Variants in SLCO1B1 observed in about 807,000 individuals in gnomAD.
The protein encoded by SLCO1B1 is solute carrier organic anion transporter family member 1B1.
SLCO1B1 carries 81 observed loss-of-function variants against 70.1 expected under a neutral mutation model. The ratio of observed to expected loss-of-function variants is 1.16; its 90% CI spans 0.97 to 1.39. SLCO1B1 has a LOEUF of 1.39. Among genes scored for constraint, SLCO1B1 ranks in the 40% most tolerant of loss-of-function variants. SLCO1B1 has a pLI of 0.00. For missense variants in SLCO1B1, 895 were observed against 799.6 expected (o/e 1.12, Z -1.44); for synonymous variants, 283 against 271.5 (o/e 1.04, Z -0.42).
chr12:21,229,148 A>G (rs1351691998), intron 14 of SLCO1B1, among the ~76,000 whole-genome samples: 1 of 152,094 alleles, frequency 6.6e-6, no homozygotes, highest in Non-Finnish European at 1.5e-5. Flanking sequence ...CCCACATACC[A>G]CCTGCCCCAC....
chr12:21,132,443 G>C (rs1940151594), intron 1 of SLCO1B1, among the ~76,000 whole-genome samples: 1 of 152,124 alleles, frequency 6.6e-6, no homozygotes, highest in Non-Finnish European at 1.5e-5. Flanking sequence ...CTAGTTTACA[G>C]TCCCACCAAC....
intron 10 of SLCO1B1, among the ~76,000 whole-genome samples, chr12:21,204,131 G>A (rs1343146712): frequency 6.6e-6 from 1 of 151,860 alleles, no homozygotes; most frequent in African/African-American, 2.4e-5. Context: ...TCCTGCGACT[G>A]GGATAAGTTT....
At chr12:21,218,155 C>T (rs561521943) in intron 12 of SLCO1B1, among the ~76,000 whole-genome samples, 3 of 151,886 alleles carry the variant, frequency 2.0e-5, no homozygotes, top group Admixed American at 2.0e-4. Context: ...TTGGTGCTGA[C>T]GCCTTAATAC....
intron 2 of SLCO1B1, among the ~76,000 whole-genome samples, chr12:21,160,971 C>T (rs1028182088): frequency 3.5e-4 from 53 of 152,000 alleles, no homozygotes; most frequent in South Asian, 4.2e-4. Context: ...CATTATCTCA[C>T]GCTAGTCAGA....
In SLCO1B1 at chr12:21,222,425, TATACAC is replaced by T. The variant is rs1241009947; in HGVS notation, c.1747+63_1747+68del. On this transcript the variant is annotated intron_variant, in intron 13 of 14. Transcript: ENST00000256958. ...ATATATATATATATATATATATATA[TATACAC>T]ACACACATACATATATTAAATTTAA... 6.2e-3 allele frequency: 773 copies of T among 123,980 alleles called. 5 individuals are homozygous for T. Among genetic ancestry groups the T allele is most frequent in the African/African-American group, 8.9e-3 (187 of 20,908 alleles). The allele number at this position is 123,980 out of a possible 1,614,324, so 7.7% of individuals were successfully genotyped here.
chr12:21,156,200 C>T (rs1343065519), intron 2 of SLCO1B1, among the ~76,000 whole-genome samples: 1 of 152,008 alleles, frequency 6.6e-6, no homozygotes, highest in Admixed American at 6.5e-5. Context: ...AAGCTACCCC[C>T]TCCCTTTGTA....
chr12:21,164,153 T>C (rs867198384), intron 2 of SLCO1B1, among the ~76,000 whole-genome samples: 34 of 152,108 alleles, frequency 2.2e-4, no homozygotes, highest in African/African-American at 4.1e-4. Context: ...TGTACAATCA[T>C]TCCTTAGTAA....
At position 21,239,031 on chromosome 12, in the gene SLCO1B1, T is replaced by C. The variant is rs1427912397; in HGVS notation, c.1918T>C (p.Tyr640His). ...SMLRVSSLVL[Y>H]IILIYAMKKK... ...GTTAAGAGTCTCATCACTTGTTTTA[T>C]ATATTATATTAATTTATGCCATGAA... Residue 640 changes from tyrosine (Y) to histidine (H), a missense_variant, in exon 15 of 15, where the codon TAT becomes CAT. Coordinates refer to ENST00000256958, the MANE Select transcript of SLCO1B1 (RefSeq NM_006446.5). The C allele has an allele frequency of 6.3e-7, 1 of 1,588,992 alleles. No individual in the cohort carries two copies. The highest frequency in any genetic ancestry group is 8.6e-7 in the Non-Finnish European group (1 of 1,159,560).
chr12:21,159,844 G>A (rs140048563), intron 2 of SLCO1B1, among the ~76,000 whole-genome samples: 4,532 of 151,870 alleles, frequency 0.03, 221 homozygotes, highest in African/African-American at 0.1. Context: ...CAAACCGAGA[G>A]CCAAATCAGG....
chr12:21,221,359 A>T (rs1941421893), intron 12 of SLCO1B1, among the ~76,000 whole-genome samples: 1 of 152,156 alleles, frequency 6.6e-6, no homozygotes, highest in South Asian at 2.1e-4. Flanking sequence ...ATTAGAAAAG[A>T]GGAACTCAAA....
At chr12:21,214,664 C>G (rs1388003724) in intron 11 of SLCO1B1, among the ~76,000 whole-genome samples, 2 of 151,568 alleles carry the variant, frequency 1.3e-5, no homozygotes, top group African/African-American at 2.4e-5. Flanking sequence ...CCCCCAGCCT[C>G]GCTGCCGCCT....
chr12:21,165,952 A>G (rs1237664030), intron 2 of SLCO1B1, among the ~76,000 whole-genome samples: 3 of 152,140 alleles, frequency 2.0e-5, no homozygotes, highest in Non-Finnish European at 4.4e-5. Context: ...GTTAGAACAC[A>G]GAATCCGCAA....
intron 2 of SLCO1B1, among the ~76,000 whole-genome samples, chr12:21,146,066 A>T (rs993477064): frequency 6.6e-6 from 1 of 152,132 alleles, no homozygotes; most frequent in Non-Finnish European, 1.5e-5. Flanking sequence ...CAACAGTGAA[A>T]CCATGTAGGC....
chr12:21,223,227 C>T (rs1299850694), intron 13 of SLCO1B1, among the ~76,000 whole-genome samples: 1 of 152,040 alleles, frequency 6.6e-6, no homozygotes, highest in African/African-American at 2.4e-5. Context: ...TCTGAGTATC[C>T]TATTTCGATG....
intron 14 of SLCO1B1, among the ~76,000 whole-genome samples, chr12:21,229,001 T>A (rs571381366): frequency 3.8e-4 from 54 of 141,836 alleles, no homozygotes; most frequent in African/African-American, 1.2e-3. Context: ...AAGTGGAATT[T>A]AAAAAAAAAA....
intron 2 of SLCO1B1, among the ~76,000 whole-genome samples, chr12:21,144,865 C>T (rs1165761075): frequency 6.6e-6 from 1 of 152,102 alleles, no homozygotes; most frequent in Non-Finnish European, 1.5e-5. Context: ...CAAATGCTAA[C>T]AGAATTTGTT....
intron 7 of SLCO1B1, among the ~76,000 whole-genome samples, chr12:21,186,335 G>T (rs890535136): frequency 2.6e-5 from 4 of 151,988 alleles, no homozygotes; most frequent in African/African-American, 9.7e-5. Flanking sequence ...TAGTAATAAG[G>T]TTGTGTTGAA....
chr12:21,228,318 T>C (rs1941500973), intron 14 of SLCO1B1, among the ~76,000 whole-genome samples: 1 of 152,232 alleles, frequency 6.6e-6, no homozygotes, highest in Admixed American at 6.5e-5. Flanking sequence ...GTACAAGGTA[T>C]AGAATTCTAA....
chr12:21,194,956 C>T (rs1298411909), intron 7 of SLCO1B1, among the ~76,000 whole-genome samples: 1 of 152,076 alleles, frequency 6.6e-6, no homozygotes, highest in Non-Finnish European at 1.5e-5. Flanking sequence ...AGGCAAGGTG[C>T]CACACACTTT....
Sources: gnomAD v4.1 joint callset for allele counts (sites outside exome capture counted in the v4.1 genomes callset) on GRCh38, gnomAD v4.1.1 for gene constraint, MANE v1.5 for transcripts, NCBI Gene and HGNC (gene_info 2026-07-23, HGNC 2026-07-21) for gene names.